The following DUSP29 variants were observed in gnomAD, a reference collection of about 807,000 sequenced individuals.
DUSP29 encodes atypical dual-specific protein phosphatase.
Under a neutral mutation model 13.5 loss-of-function variants are expected in DUSP29, and 12 were observed. The ratio of observed to expected loss-of-function variants is 0.89; its 90% CI spans 0.57 to 1.44. The LOEUF (loss-of-function observed/expected upper bound fraction) is 1.44, where lower values mean the gene tolerates loss of function less well. Among genes scored for constraint, DUSP29 ranks in the 40% most tolerant of loss-of-function variants. The pLI is 0.00. For missense variants in DUSP29, 308 were observed against 301.1 expected (o/e 1.02, Z -0.17); for synonymous variants, 134 against 128.7 (o/e 1.04, Z -0.28).
At chr10:75,046,042 G>A (rs1200955250) in intron 2 of DUSP29, among the ~76,000 whole-genome samples, 1 of 152,086 alleles carries the variant, frequency 6.6e-6, no homozygotes, top group East Asian at 1.9e-4. Flanking sequence ...CCTGAGCTCA[G>A]GGAGGTTGAG....
chr10:75,071,925 A>G (rs1847337832), intron 1 of DUSP29, among the ~76,000 whole-genome samples: 1 of 152,350 alleles, frequency 6.6e-6, no homozygotes, highest in East Asian at 1.9e-4. Flanking sequence ...CCGGCAGAAG[A>G]TCACGCCGAC....
At chr10:75,043,449 T>A (rs1390316662) in intron 3 of DUSP29, among the ~76,000 whole-genome samples, 1 of 152,226 alleles carries the variant, frequency 6.6e-6, no homozygotes, top group Admixed American at 6.5e-5. Context: ...AAAGGCCTTT[T>A]ATTCTTACGC....
At chr10:75,045,417 T>A (rs1846685586) in intron 2 of DUSP29, among the ~76,000 whole-genome samples, 1 of 152,072 alleles carries the variant, frequency 6.6e-6, no homozygotes, top group East Asian at 1.9e-4. Context: ...GGTCAGATAC[T>A]AATGGGGGTA....
At chr10:75,043,083 G>C (rs1846619096) in intron 3 of DUSP29, among the ~76,000 whole-genome samples, 1 of 152,250 alleles carries the variant, frequency 6.6e-6, no homozygotes, top group African/African-American at 2.4e-5. Context: ...TGATTTAAAA[G>C]CTGGATAATT....
intron 1 of DUSP29, among the ~76,000 whole-genome samples, chr10:75,070,248 T>C (rs1234257003): frequency 6.6e-6 from 1 of 151,998 alleles, no homozygotes; most frequent in Middle Eastern, 3.4e-3. Flanking sequence ...AGGGTGCAAA[T>C]AGGACTCAAC....
At position 75,058,356 on chromosome 10, in the gene DUSP29, G is replaced by A. The variant is rs1279471543; in HGVS notation, c.159C>T (p.Thr53=). The A allele has an allele frequency of 1.9e-6, 3 of 1,614,030 alleles. No individual in the cohort carries two copies. The highest frequency in any genetic ancestry group is 1.3e-5 in the African/African-American group (1 of 74,916). Residue 53 remains threonine, a synonymous_variant, in exon 2 of 4, where the codon ACC becomes ACT. Transcript: ENST00000338487. ...RLFWKGSPQY[T]HVNEVWPKLY... ...GCTTGGGCCAGACCTCGTTGACGTG[G>A]GTGTACTGGGGACTGCCCTTCCAGA...
At position 75,058,307 on chromosome 10, in the gene DUSP29, G is replaced by T. The variant is rs1847009062; in HGVS notation, c.200+8C>A. On this transcript the variant is annotated splice_region_variant and intron_variant, in intron 2 of 3. Transcript: ENST00000338487. ...TGCTCCCAAGCGAGCCTGGGCCTGG[G>T]CACTTACTCATCGCCAATGTAGAGC... is the stretch of plus-strand genomic sequence containing the variant. 2 of 1,608,982 alleles carry T rather than the reference G, an allele frequency of 1.2e-6. No homozygotes were observed. The highest frequency in any genetic ancestry group is 1.7e-6 in the Non-Finnish European group (2 of 1,176,464).
Position 75,043,664 on chromosome 10 carries a change from G to A in DUSP29, c.421+133C>T, listed in dbSNP as rs967774518. On this transcript the variant is annotated intron_variant, in intron 3 of 3. Transcript: ENST00000338487. ...CCTGGGCCTCAGACGGGGAAACCTT[G>A]GGCTAAGGGCGGAGCCTAGGCTAGG... is the stretch of plus-strand genomic sequence containing the variant. 12 of 884,486 alleles carry A rather than the reference G, an allele frequency of 1.4e-5. No homozygotes were observed. In the African/African-American group the frequency reaches 2.0e-4, roughly 15 times the overall value. 54.8% of individuals were successfully genotyped at this position (884,486 alleles called of 1,614,324 possible).
chr10:75,059,515 T>G (rs1215511746), intron 1 of DUSP29, among the ~76,000 whole-genome samples: 2 of 152,214 alleles, frequency 1.3e-5, no homozygotes, highest in African/African-American at 4.8e-5. Context: ...CTATTCCAAG[T>G]GCTTGATGAT....
intron 2 of DUSP29, among the ~76,000 whole-genome samples, chr10:75,052,453 C>G (rs538420507): frequency 6.6e-6 from 1 of 151,938 alleles, no homozygotes; most frequent in South Asian, 2.1e-4. Flanking sequence ...ATTACAGGAG[C>G]CCGCCACCAT....
At position 75,058,336 on chromosome 10, in the gene DUSP29, G is replaced by A. The variant is rs1203680166; in HGVS notation, c.179C>T (p.Pro60Leu). The A allele has an allele frequency of 1.2e-6, 2 of 1,613,984 alleles. No individual in the cohort carries two copies. Among genetic ancestry groups the A allele is most frequent in the Non-Finnish European group, 1.7e-6 (2 of 1,179,986 alleles). Residue 60 changes from proline to leucine, a missense_variant, in exon 2 of 4, where the codon CCC becomes CTC. Coordinates refer to ENST00000338487, the MANE Select transcript of DUSP29 (RefSeq NM_001003892.3). ...TTACTCATCGCCAATGTAGAGCTTG[G>A]GCCAGACCTCGTTGACGTGGGTGTA... ...PQYTHVNEVW[P>L]KLYIGDEATA... is the part of the protein sequence containing the mutation.
At chr10:75,068,428 G>C (rs1364678865) in intron 1 of DUSP29, among the ~76,000 whole-genome samples, 2 of 152,200 alleles carry the variant, frequency 1.3e-5, no homozygotes, top group Non-Finnish European at 2.9e-5. Context: ...AGCGAGCTAT[G>C]ATCATGCCAC....
At chr10:75,050,595 A>G (rs895532759) in intron 2 of DUSP29, among the ~76,000 whole-genome samples, 1 of 152,242 alleles carries the variant, frequency 6.6e-6, no homozygotes, top group South Asian at 2.1e-4. Context: ...AGAACAATAA[A>G]ATGCTTTGCC....
In DUSP29 at chr10:75,061,512, A is replaced by C. The variant is rs556502596; in HGVS notation, c.-34-2964T>G. Reference sequence around the variant, plus strand: ...CCAAAAATACAGATATCCGGGCTGCACCCTCGTAGGGGCGCAGGCATCTGT... The same window carrying C: ...CCAAAAATACAGATATCCGGGCTGCCCCCTCGTAGGGGCGCAGGCATCTGT... On this transcript the variant is annotated intron_variant, in intron 1 of 3. Coordinates refer to ENST00000338487, the MANE Select transcript of DUSP29 (RefSeq NM_001003892.3). 2.1e-3 allele frequency among the ~76,000 whole-genome samples: 318 copies of C among 152,306 alleles called. 1 individual carries two copies. The highest frequency in any genetic ancestry group is 3.7e-3 in the Non-Finnish European group (252 of 68,018).
At chr10:75,050,207 G>A (rs1846797123) in intron 2 of DUSP29, among the ~76,000 whole-genome samples, 1 of 152,214 alleles carries the variant, frequency 6.6e-6, no homozygotes, top group Admixed American at 6.5e-5. Context: ...GGAAAAAAAG[G>A]ACTGAAAAAA....
chr10:75,061,940 C>T (rs1847096447), intron 1 of DUSP29, among the ~76,000 whole-genome samples: 1 of 152,236 alleles, frequency 6.6e-6, no homozygotes, highest in Admixed American at 6.5e-5. Flanking sequence ...TAAGGCAGGA[C>T]TGAGCCTCCA....
At chr10:75,052,948 A>G (rs1305086993) in intron 2 of DUSP29, among the ~76,000 whole-genome samples, 1 of 152,204 alleles carries the variant, frequency 6.6e-6, no homozygotes, top group Non-Finnish European at 1.5e-5. Context: ...CAAAAATGGC[A>G]TGTGTCACTT....
chr10:75,072,759 C>T (rs1005560468), intron 1 of DUSP29, among the ~76,000 whole-genome samples: 2 of 151,960 alleles, frequency 1.3e-5, no homozygotes, highest in Admixed American at 6.6e-5. Flanking sequence ...TCCGCTTTCC[C>T]GAACGATCAG....
chr10:75,043,837 C>T lies in DUSP29; in HGVS notation c.381G>A (p.Pro127=). ...GCGCTCTGTCGATGAAGGCTGCCGC[C>T]GGGTAGAAGAAGACACTGAGGTCGA... The part of the protein sequence containing the change: ...PTFDLSVFFY[P]AAAFIDRALS... Residue 127 remains proline (P), a synonymous_variant, in exon 3 of 4, where the codon CCG becomes CCA. Coordinates refer to ENST00000338487, the MANE Select transcript of DUSP29 (RefSeq NM_001003892.3). 6.2e-7 allele frequency: 1 copy of T among 1,613,836 alleles called. No homozygotes were observed. Among genetic ancestry groups the T allele is most frequent in the Non-Finnish European group, 8.5e-7 (1 of 1,179,922 alleles).
Sources: gnomAD v4.1 joint callset for allele counts (sites outside exome capture counted in the v4.1 genomes callset) on GRCh38, gnomAD v4.1.1 for gene constraint, MANE v1.5 for transcripts, NCBI Gene and HGNC (gene_info 2026-07-23, HGNC 2026-07-21) for gene names.